MMP16: variants seen among roughly 807,000 people sequenced by gnomAD.
The protein encoded by MMP16 is matrix metalloproteinase-16.
In MMP16, 12 loss-of-function variants were observed where a neutral mutation model predicts 67.8. The observed-to-expected ratio is 0.18, with a 90% CI of 0.11 to 0.29. MMP16 has a LOEUF of 0.29. MMP16 is among the 10% of genes least tolerant of loss of function. The probability of loss-of-function intolerance (pLI) is 1.00; values close to 1 mark genes in which losing one functional copy is unlikely to be tolerated. For synonymous variants in MMP16, 249 were observed against 255.9 expected, an observed-to-expected ratio of 0.97 and a Z score of 0.26; for missense variants, 475 against 765.7, an observed-to-expected ratio of 0.62 and a Z score of 4.48.
intron 1 of MMP16, among the ~76,000 whole-genome samples, chr8:88,289,647 G>T (rs779684797): frequency 5.3e-5 from 8 of 151,168 alleles, no homozygotes; most frequent in Non-Finnish European, 1.0e-4. Flanking sequence ...CAGTTGCCGT[G>T]TACTCTGAAT....
intron 7 of MMP16, among the ~76,000 whole-genome samples, chr8:88,063,366 AG>A (rs1189594281): frequency 6.6e-6 from 1 of 152,164 alleles, no homozygotes; most frequent in African/African-American, 2.4e-5. Flanking sequence ...CAACACAAAA[AG>A]TTCCTGTCTT....
chr8:88,073,444 T>C (rs1433099743), intron 7 of MMP16, among the ~76,000 whole-genome samples: 1 of 152,154 alleles, frequency 6.6e-6, no homozygotes, highest in East Asian at 1.9e-4. Flanking sequence ...AACTCCATTT[T>C]TCAGATTAGG....
intron 6 of MMP16, among the ~76,000 whole-genome samples, chr8:88,111,747 C>T (rs1025811435): frequency 6.6e-6 from 1 of 151,638 alleles, no homozygotes; most frequent in African/African-American, 2.4e-5. Context: ...AAAAACCAAT[C>T]TGGGGGATAC....
rs1372091217 is a variant in MMP16, at chr8:88,104,628, A to AC, written c.1083+11878_1083+11879insG. ...TACGTAACACTTGATAATAATAAAT[A>AC]TGTTAATAATTTTTATATACCTACC... On this transcript the variant is annotated intron_variant, in intron 6 of 9. Coordinates refer to ENST00000286614, the MANE Select transcript of MMP16 (RefSeq NM_005941.5). Among the ~76,000 whole-genome samples, 4 of 138,678 alleles carry AC rather than the reference A, an allele frequency of 2.9e-5. No homozygotes were observed. The East Asian group carries it at 8.7e-4, about 30-fold the overall frequency. 91.0% of individuals were successfully genotyped at this position (138,678 alleles called of 152,430 possible).
At position 88,036,310 on chromosome 8, in the gene MMP16, T is replaced by C. The variant is rs540050833; in HGVS notation, c.*5151A>G. 4 of 152,010 alleles carry C rather than the reference T, an allele frequency of 2.6e-5. No individual in the cohort carries two copies. The highest frequency in any genetic ancestry group is 9.6e-5 in the African/African-American group (4 of 41,538). 9.4% of individuals were successfully genotyped at this position (152,010 alleles called of 1,614,324 possible). On this transcript the variant is annotated 3_prime_UTR_variant, in exon 10 of 10. Transcript: ENST00000286614. Reference sequence around the variant, plus strand: ...TGGATTTTTTTCCTCCACTATTTTATGCTTGCTAAAGTAAAATTTCCAGTT... The same window carrying C: ...TGGATTTTTTTCCTCCACTATTTTACGCTTGCTAAAGTAAAATTTCCAGTT...
intron 1 of MMP16, among the ~76,000 whole-genome samples, chr8:88,303,404 G>A (rs1197841367): frequency 1.3e-5 from 2 of 152,202 alleles, no homozygotes; most frequent in African/African-American, 4.8e-5. Context: ...GGAGAGTCTA[G>A]CCTGTCCAGA....
At chr8:88,270,238 C>G (rs1245290681) in intron 1 of MMP16, among the ~76,000 whole-genome samples, 1 of 152,170 alleles carries the variant, frequency 6.6e-6, no homozygotes, top group Non-Finnish European at 1.5e-5. Flanking sequence ...AAGCCAGACT[C>G]AAGTCAGGCA....
chr8:88,167,995 C>T lies in MMP16; in HGVS notation c.405-22G>A, dbSNP rs1422907627. 17 of 1,569,002 alleles carry T rather than the reference C, an allele frequency of 1.1e-5. 1 individual carries two copies. In the Admixed American group the frequency reaches 3.0e-4, roughly 28 times the overall value. On this transcript the variant is annotated intron_variant, in intron 3 of 9. Coordinates refer to ENST00000286614, the MANE Select transcript of MMP16 (RefSeq NM_005941.5). The stretch of plus-strand genomic sequence containing the variant: ...TATACTGAAAGTTAGAAAATATAAT[C>T]ATCAGTATTGTTATGTATAAGCTAA...
chr8:88,211,687 C>G (rs1419967775), intron 1 of MMP16, among the ~76,000 whole-genome samples: 1 of 152,142 alleles, frequency 6.6e-6, no homozygotes, highest in Non-Finnish European at 1.5e-5. Flanking sequence ...TTTACTTATA[C>G]TTGAATATTG....
chr8:88,300,514 A>G (rs1811080776), intron 1 of MMP16, among the ~76,000 whole-genome samples: 2 of 152,164 alleles, frequency 1.3e-5, no homozygotes, highest in South Asian at 4.1e-4. Flanking sequence ...CTGTTATCAG[A>G]TCACCCGTTG....
At chr8:88,261,594 A>G (rs949318493) in intron 1 of MMP16, among the ~76,000 whole-genome samples, 9 of 152,020 alleles carry the variant, frequency 5.9e-5, no homozygotes, top group African/African-American at 2.2e-4. Context: ...TTCAGACTCT[A>G]TAAACCACTG....
chr8:88,180,679 T>G (rs149132156), intron 3 of MMP16, among the ~76,000 whole-genome samples: 1 of 152,054 alleles, frequency 6.6e-6, no homozygotes, highest in Non-Finnish European at 1.5e-5. Flanking sequence ...GGCACTATTA[T>G]AATTGGAGAC....
At chr8:88,294,587 T>C (rs914949850) in intron 1 of MMP16, among the ~76,000 whole-genome samples, 2 of 152,158 alleles carry the variant, frequency 1.3e-5, no homozygotes, top group African/African-American at 4.8e-5. Context: ...TATGTCTCTA[T>C]ACACACATAC....
intron 1 of MMP16, among the ~76,000 whole-genome samples, chr8:88,289,729 CA>C (rs1563585482): frequency 3.5e-5 from 5 of 142,376 alleles, no homozygotes; most frequent in South Asian, 2.3e-4. Context: ...CACACACACA[CA>C]CCCCACTCAT....
chr8:88,074,070 G>A (rs1808605601), intron 7 of MMP16, among the ~76,000 whole-genome samples: 1 of 152,242 alleles, frequency 6.6e-6, no homozygotes, highest in Admixed American at 6.5e-5. Context: ...CAGGCAGTTG[G>A]TAGTACTTGT....
At chr8:88,213,036 T>G (rs1446907658) in intron 1 of MMP16, among the ~76,000 whole-genome samples, 1 of 152,164 alleles carries the variant, frequency 6.6e-6, no homozygotes, top group African/African-American at 2.4e-5. Context: ...AGGCAAAGTT[T>G]GGTTGAAAGC....
At position 88,186,602 on chromosome 8, in the gene MMP16, C is replaced by CAAAA. The variant is rs4043665; in HGVS notation, c.282-8_282-5dup. 1.7e-4 allele frequency: 200 copies of CAAAA among 1,168,070 alleles called. No homozygotes were observed. Among genetic ancestry groups the CAAAA allele is most frequent in the Middle Eastern group, 1.0e-3 (3 of 2,916 alleles). 72.4% of individuals were successfully genotyped at this position (1,168,070 alleles called of 1,614,324 possible). Reference sequence around the variant, plus strand: ...GCATCGGGGCTTCTTCATCCAGCTGCAAAAAAAAAAAAAAAAAAAAAAAAG... The same window carrying CAAAA: ...GCATCGGGGCTTCTTCATCCAGCTGCAAAAAAAAAAAAAAAAAAAAAAAAAAAAG... On this transcript the variant is annotated splice_region_variant and splice_polypyrimidine_tract_variant and intron_variant, in intron 2 of 9. Transcript: ENST00000286614.
intron 1 of MMP16, among the ~76,000 whole-genome samples, chr8:88,241,659 T>C (rs1033965021): frequency 6.6e-6 from 1 of 152,126 alleles, no homozygotes; most frequent in South Asian, 2.1e-4. Context: ...TAAAACAAGC[T>C]ATTTAACATA....
At chr8:88,296,391 TC>T (rs1354861896) in intron 1 of MMP16, among the ~76,000 whole-genome samples, 1 of 152,190 alleles carries the variant, frequency 6.6e-6, no homozygotes, top group Non-Finnish European at 1.5e-5. Context: ...AATGAACACA[TC>T]CATCGCCTCA....
Sources: allele counts gnomAD v4.1 joint callset (sites outside exome capture counted in the v4.1 genomes callset), GRCh38; gene constraint gnomAD v4.1.1; transcripts MANE v1.5; gene names NCBI Gene and HGNC (gene_info 2026-07-23, HGNC 2026-07-21).